LY86: variants seen among roughly 807,000 people sequenced by gnomAD.
The protein encoded by LY86 is MD-1, RP105-associated.
LY86 carries 20 observed loss-of-function variants against 17.3 expected under a neutral mutation model. That is an observed-to-expected ratio of 1.15 (90% CI 0.81 to 1.68). LY86 has a LOEUF of 1.68. Ranked by LOEUF, LY86 falls within the 40% of genes most tolerant of loss-of-function variation. The pLI is 0.00. For missense variants in LY86, 200 were observed against 191.9 expected (o/e 1.04, Z -0.25); for synonymous variants, 74 against 70.6 (o/e 1.05, Z -0.24).
intron 2 of LY86, among the ~76,000 whole-genome samples, chr6:6,625,577 C>T (rs1438810679): frequency 1.3e-5 from 2 of 152,264 alleles, no homozygotes; most frequent in Non-Finnish European, 2.9e-5. Flanking sequence ...AGCTACTAGA[C>T]GACCTCCTTT....
chr6:6,652,172 A>G (rs1762197232), intron 4 of LY86, among the ~76,000 whole-genome samples: 1 of 151,694 alleles, frequency 6.6e-6, no homozygotes, highest in Admixed American at 6.6e-5. Context: ...TCAACCGCTG[A>G]TGGTACTCAA....
intron 1 of LY86, among the ~76,000 whole-genome samples, chr6:6,596,133 G>C (rs1760704634): frequency 6.6e-6 from 1 of 152,182 alleles, no homozygotes. Context: ...CCTGCATCAA[G>C]TCACATGTGC....
intron 1 of LY86, among the ~76,000 whole-genome samples, chr6:6,607,688 TCAGTTGTTCA>T (rs1464499595): frequency 6.6e-6 from 1 of 151,938 alleles, no homozygotes; most frequent in Non-Finnish European, 1.5e-5. Context: ...TCACCTGAGG[TCAGTTGTTCA>T]AGATCAGCCT....
chr6:6,598,847 A>G (rs1311434281), intron 1 of LY86, among the ~76,000 whole-genome samples: 1 of 152,236 alleles, frequency 6.6e-6, no homozygotes, highest in Non-Finnish European at 1.5e-5. Context: ...CTTTGTCTGC[A>G]TGGTCAAGGT....
rs114947622 is a variant in LY86 at position 6,598,361 on chromosome 6, G to C, written c.136+9491G>C. ...TTACATTTATCTCTTTATTATCTTT[G>C]TACTGACATTTATTTTTACCTATAC... On this transcript the variant is annotated intron_variant, in intron 1 of 4. Transcript: ENST00000230568. Among the ~76,000 whole-genome samples, 414 of 151,696 alleles carry C rather than the reference G, an allele frequency of 2.7e-3. 3 individuals are homozygous for C. The highest frequency in any genetic ancestry group is 9.5e-3 in the African/African-American group (393 of 41,308).
At chr6:6,592,744 G>A (rs993813515) in intron 1 of LY86, among the ~76,000 whole-genome samples, 1 of 152,212 alleles carries the variant, frequency 6.6e-6, no homozygotes, top group Non-Finnish European at 1.5e-5. Context: ...GTGGCTGTCT[G>A]TAAACCAGGA....
At chr6:6,610,244 C>G (rs1761298173) in intron 1 of LY86, among the ~76,000 whole-genome samples, 1 of 152,170 alleles carries the variant, frequency 6.6e-6, no homozygotes, top group Admixed American at 6.5e-5. Context: ...AAGATGTTAC[C>G]ATGAAGGGAA....
chr6:6,606,657 C>T (rs1977089), intron 1 of LY86, among the ~76,000 whole-genome samples: 15,321 of 152,282 alleles, frequency 0.1, 2,177 homozygotes, highest in African/African-American at 0.32. Flanking sequence ...TTGAGCACAG[C>T]AGCTACTGGC....
At chr6:6,591,654 A>G (rs1034074482) in intron 1 of LY86, among the ~76,000 whole-genome samples, 4 of 152,218 alleles carry the variant, frequency 2.6e-5, no homozygotes, top group Admixed American at 2.0e-4. Context: ...AACTTTTCCA[A>G]GGCCACACAG....
chr6:6,603,818 G>C (rs982782435), intron 1 of LY86, among the ~76,000 whole-genome samples: 4 of 151,650 alleles, frequency 2.6e-5, no homozygotes, highest in African/African-American at 9.7e-5. Context: ...CCTTCTAAGA[G>C]TTACAGTCAC....
At chr6:6,605,091 C>T (rs192820488) in intron 1 of LY86, among the ~76,000 whole-genome samples, 2 of 150,206 alleles carry the variant, frequency 1.3e-5, no homozygotes, top group African/African-American at 4.9e-5. Flanking sequence ...TTAAAGGGTA[C>T]TTGAAATGAC....
chr6:6,624,301 T>C (rs1244059298), intron 1 of LY86, among the ~76,000 whole-genome samples: 1 of 149,442 alleles, frequency 6.7e-6, no homozygotes, highest in Non-Finnish European at 1.5e-5. Context: ...AAATATTATC[T>C]TTATAGCCCC....
At position 6,654,407 on chromosome 6, in the gene LY86, G is replaced by T. The variant is rs5743654; in HGVS notation, c.406-137G>T. 6,282 of 659,042 alleles carry T rather than the reference G, an allele frequency of 9.5e-3. 68 individuals carry two copies. The highest frequency in any genetic ancestry group is 0.032 in the Middle Eastern group (95 of 2,972). The allele number at this position is 659,042 out of a possible 1,614,324, so 40.8% of individuals were successfully genotyped here. On this transcript the variant is annotated intron_variant, in intron 4 of 4. Coordinates refer to ENST00000230568, the MANE Select transcript of LY86 (RefSeq NM_004271.4). ...ATGCTGTCAGCTCCACAGGGCAGGG[G>T]TTGGCTTGTCTTGTTCTACGTTATC...
At position 6,638,780 on chromosome 6, in the gene LY86, T is replaced by G. The variant is rs184157286; in HGVS notation, c.353-10845T>G. ...CCATTAACTCGTCATTTAGCATTAG[T>G]TATATCTCCTAATGCTATCCCTCCC... is the stretch of plus-strand genomic sequence containing the variant. On this transcript the variant is annotated intron_variant, in intron 3 of 4. Transcript: ENST00000230568. 1.7e-4 allele frequency among the ~76,000 whole-genome samples: 25 copies of G among 150,818 alleles called. 1 individual carries two copies. In the East Asian group the frequency reaches 4.7e-3, roughly 29 times the overall value.
At chr6:6,599,129 A>G (rs1409844517) in intron 1 of LY86, among the ~76,000 whole-genome samples, 2 of 152,210 alleles carry the variant, frequency 1.3e-5, no homozygotes, top group African/African-American at 4.8e-5. Context: ...ATATGGATGG[A>G]AATACTTGGA....
chr6:6,647,284 C>T (rs1343113652), intron 3 of LY86, among the ~76,000 whole-genome samples: 1 of 152,186 alleles, frequency 6.6e-6, no homozygotes, highest in Non-Finnish European at 1.5e-5. Flanking sequence ...CCCTCTTCTG[C>T]ATCTTCAATC....
intron 1 of LY86, among the ~76,000 whole-genome samples, chr6:6,600,715 G>A (rs144062112): frequency 2.0e-5 from 3 of 150,260 alleles, no homozygotes. Context: ...ATGTAGAAAA[G>A]CTCGCTGCAT....
intron 3 of LY86, among the ~76,000 whole-genome samples, chr6:6,628,639 A>C (rs1761845672): frequency 6.6e-6 from 1 of 151,706 alleles, no homozygotes; most frequent in Non-Finnish European, 1.5e-5. Context: ...TCGTGTTCCT[A>C]CTTCTGCTGT....
At chr6:6,595,269 G>A (rs922009844) in intron 1 of LY86, among the ~76,000 whole-genome samples, 1 of 145,632 alleles carries the variant, frequency 6.9e-6, no homozygotes, top group African/African-American at 2.7e-5. Context: ...AAGGGGAGGA[G>A]GAGGATGAGG....
Sources: allele counts gnomAD v4.1 joint callset (sites outside exome capture counted in the v4.1 genomes callset), GRCh38; gene constraint gnomAD v4.1.1; transcripts MANE v1.5; gene names NCBI Gene and HGNC (gene_info 2026-07-23, HGNC 2026-07-21).